MLLT3: variants seen among roughly 807,000 people sequenced by gnomAD.
MLLT3 encodes the protein protein AF-9.
Under a neutral mutation model 53.2 loss-of-function variants are expected in MLLT3, and 4 were observed. The observed-to-expected ratio is 0.08, with a 90% CI of 0.04 to 0.17. The LOEUF (loss-of-function observed/expected upper bound fraction) is 0.17. Among genes scored for constraint, MLLT3 ranks in the 10% least tolerant of loss-of-function variants. MLLT3 has a pLI of 1.00. For synonymous variants in MLLT3, 283 were observed against 230.6 expected, an observed-to-expected ratio of 1.23 and a Z score of -2.06; for missense variants, 569 against 684.0, an observed-to-expected ratio of 0.83 and a Z score of 1.87.
chr9:20,477,617 T>G (rs186273799), intron 2 of MLLT3, among the ~76,000 whole-genome samples: 5 of 152,280 alleles, frequency 3.3e-5, no homozygotes, highest in Admixed American at 6.5e-5. Context: ...CTCTCCTATA[T>G]GCTCTGGGGC....
At chr9:20,569,740 G>C (rs1360775087) in intron 2 of MLLT3, among the ~76,000 whole-genome samples, 1 of 152,150 alleles carries the variant, frequency 6.6e-6, no homozygotes, top group Non-Finnish European at 1.5e-5. Flanking sequence ...CCACTCACAA[G>C]TTCTATGACT....
At chr9:20,462,114 G>T (rs1232150110) in intron 2 of MLLT3, among the ~76,000 whole-genome samples, 1 of 152,190 alleles carries the variant, frequency 6.6e-6, no homozygotes, top group East Asian at 1.9e-4. Context: ...CTGAGCATCA[G>T]AGGGTAGCTT....
chr9:20,554,858 T>G (rs1362634620), intron 2 of MLLT3, among the ~76,000 whole-genome samples: 1 of 152,194 alleles, frequency 6.6e-6, no homozygotes, highest in Non-Finnish European at 1.5e-5. Context: ...AAAATGAGGG[T>G]GAAAAATGAC....
intron 4 of MLLT3, among the ~76,000 whole-genome samples, chr9:20,417,799 C>T (rs2118786032): frequency 6.6e-6 from 1 of 152,238 alleles, no homozygotes; most frequent in African/African-American, 2.4e-5. Flanking sequence ...TCTAATACTA[C>T]TTGTCAGCAA....
chr9:20,546,890 G>A (rs1818802938), intron 2 of MLLT3, among the ~76,000 whole-genome samples: 1 of 152,192 alleles, frequency 6.6e-6, no homozygotes, highest in African/African-American at 2.4e-5. Flanking sequence ...TAAACTGCAT[G>A]CCTTCTGCAA....
At chr9:20,486,935 C>T (rs920801082) in intron 2 of MLLT3, among the ~76,000 whole-genome samples, 1 of 152,052 alleles carries the variant, frequency 6.6e-6, no homozygotes, top group East Asian at 1.9e-4. Flanking sequence ...GAAATGAAAA[C>T]CCACACTCAT....
At chr9:20,607,444 A>G (rs1460350872) in intron 2 of MLLT3, among the ~76,000 whole-genome samples, 2 of 152,128 alleles carry the variant, frequency 1.3e-5, no homozygotes, top group African/African-American at 4.8e-5. Flanking sequence ...CTCAAAAGGA[A>G]TAGACATAGT....
intron 8 of MLLT3, among the ~76,000 whole-genome samples, chr9:20,355,936 G>A (rs1014866695): frequency 6.6e-6 from 1 of 152,262 alleles, no homozygotes; most frequent in African/African-American, 2.4e-5. Flanking sequence ...TTTTAAGAAT[G>A]AGTCCACTTT....
In MLLT3 at chr9:20,414,179, T is replaced by C. The variant is rs371724984; in HGVS notation, c.667A>G (p.Arg223Gly). 22 of 1,614,228 alleles carry C rather than the reference T, an allele frequency of 1.4e-5. No individual in the cohort carries two copies. The highest frequency in any genetic ancestry group is 3.3e-5 in the Admixed American group (2 of 60,032). Residue 223 changes from arginine to glycine, a missense_variant, in exon 5 of 11, where the codon AGG (arginine) becomes GGG (glycine). Physicochemically the swap from Arg to Gly is moderately radical, Grantham distance 125. Around this residue, in one of 5 missense-constraint regions of MLLT3, gnomAD observed 437 missense variants for 376.5 expected, o/e 1.16. Coordinates refer to ENST00000380338, the MANE Select transcript of MLLT3 (RefSeq NM_004529.4). Reference sequence around the variant, plus strand: ...TCTTTGGAAGATTTGTTGTGATCCCTGGAAGGTTCTTTGAAGGCACTTTTA... The same window carrying C: ...TCTTTGGAAGATTTGTTGTGATCCCCGGAAGGTTCTTTGAAGGCACTTTTA... ...EHKSAFKEPS[R>G]DHNKSSKESS...
At chr9:20,363,631 C>T in intron 6 of MLLT3, 26 bp from the exon 7 acceptor site, 4 of 1,610,064 alleles carry the variant, frequency 2.5e-6, no homozygotes, top group East Asian at 2.2e-5. Context: ...GAACCACAGG[C>T]AATCAAACAT....
chr9:20,579,780 G>A (rs1001998140), intron 2 of MLLT3, among the ~76,000 whole-genome samples: 1 of 152,130 alleles, frequency 6.6e-6, no homozygotes, highest in African/African-American at 2.4e-5. Context: ...GGCTAGACAG[G>A]ACATGGTAAC....
chr9:20,519,456 T>C (rs1045199837), intron 2 of MLLT3, among the ~76,000 whole-genome samples: 5 of 152,328 alleles, frequency 3.3e-5, no homozygotes, highest in African/African-American at 1.2e-4. Context: ...CATGTCATTA[T>C]ATTAGGCCAT....
chr9:20,408,236 T>C (rs1200218998), intron 5 of MLLT3, among the ~76,000 whole-genome samples: 4 of 152,142 alleles, frequency 2.6e-5, no homozygotes, highest in African/African-American at 4.8e-5. Context: ...GGCCCTAGTA[T>C]GTACTGAAAC....
intron 2 of MLLT3, among the ~76,000 whole-genome samples, chr9:20,490,069 A>G (rs761291041): frequency 1.1e-4 from 16 of 152,192 alleles, no homozygotes; most frequent in South Asian, 2.1e-4. Flanking sequence ...CCTCTGATAA[A>G]GATGTGATTT....
At chr9:20,579,388 A>G (rs1164730877) in intron 2 of MLLT3, among the ~76,000 whole-genome samples, 1 of 152,050 alleles carries the variant, frequency 6.6e-6, no homozygotes, top group South Asian at 2.1e-4. Context: ...AAAAGAAAAA[A>G]AAATTAAGAA....
chr9:20,457,238 CTTTTTTTTTTTTTT>C (rs769037689), intron 2 of MLLT3, among the ~76,000 whole-genome samples: 2 of 63,738 alleles, frequency 3.1e-5, no homozygotes, highest in South Asian at 4.9e-4. Context: ...ACAAGGACAT[CTTTTTTTTTTTTTT>C]TTTTTTTTTT....
At chr9:20,571,668 C>T (rs1218295306) in intron 2 of MLLT3, among the ~76,000 whole-genome samples, 3 of 152,084 alleles carry the variant, frequency 2.0e-5, no homozygotes, top group Non-Finnish European at 4.4e-5. Flanking sequence ...TCAACTCCTA[C>T]TTATGAGTGA....
chr9:20,470,500 A>C (rs1438138576), intron 2 of MLLT3, among the ~76,000 whole-genome samples: 4 of 152,060 alleles, frequency 2.6e-5, no homozygotes, highest in Admixed American at 2.0e-4. Flanking sequence ...AACTAAGTAA[A>C]TCATGTGAAT....
At chr9:20,615,855 T>C (rs913836520) in intron 2 of MLLT3, among the ~76,000 whole-genome samples, 18 of 143,926 alleles carry the variant, frequency 1.3e-4, no homozygotes, top group African/African-American at 4.1e-4. Flanking sequence ...AGTTGTCTTC[T>C]ATTAAAACAA....
Sources: allele counts gnomAD v4.1 joint callset (sites outside exome capture counted in the v4.1 genomes callset), GRCh38; gene constraint gnomAD v4.1.1; regional missense constraint gnomAD v4.1.1; transcripts MANE v1.5; gene names NCBI Gene and HGNC (gene_info 2026-07-23, HGNC 2026-07-21).